Variants in EXOC4 observed in about 807,000 individuals in gnomAD.
EXOC4 encodes the protein exocyst complex component 4.
EXOC4 carries 71 observed loss-of-function variants against 107.2 expected under a neutral mutation model. The ratio of observed to expected loss-of-function variants is 0.66; its 90% CI spans 0.55 to 0.81. The LOEUF is 0.81. Among genes scored for constraint, EXOC4 ranks in the 30% least tolerant of loss-of-function variants. The pLI is 0.00. For missense variants in EXOC4, 1,108 were observed against 1,189.6 expected (o/e 0.93, Z 1.01); for synonymous variants, 456 against 441.2 (o/e 1.03, Z -0.42).
At chr7:133,598,605 A>T in intron 9 of EXOC4, among the ~76,000 whole-genome samples, 1 of 152,226 alleles carries the variant, frequency 6.6e-6, no homozygotes, top group East Asian at 1.9e-4. Context: ...CTACTTTTGC[A>T]ACTGTACATT....
the EXOC4 span, among the ~76,000 whole-genome samples, chr7:134,100,250 C>CAGTGAACCCAGATCACACCACTG: frequency 4.5e-5 from 6 of 134,266 alleles, no homozygotes; most frequent in South Asian, 2.3e-4. Context: ...AGTTCTGCTG[C>CAGTGAACCCAGATCACACCACTG]CACAAGCCTA....
chr7:133,270,199 A>T (rs541156078), intron 1 of EXOC4, among the ~76,000 whole-genome samples: 1 of 152,218 alleles, frequency 6.6e-6, no homozygotes, highest in South Asian at 2.1e-4. Flanking sequence ...TGCCATGATT[A>T]TGAGGCCTCC....
chr7:133,533,260 C>G (rs896340976), intron 9 of EXOC4, among the ~76,000 whole-genome samples: 2 of 152,042 alleles, frequency 1.3e-5, no homozygotes, highest in Non-Finnish European at 2.9e-5. Flanking sequence ...TACTAGGATT[C>G]TGAGACTGTT....
chr7:133,253,304 G>T, intron 1 of EXOC4, 117 bp downstream of exon 1: 5 of 1,437,606 alleles, frequency 3.5e-6, no homozygotes, highest in Non-Finnish European at 4.6e-6. Context: ...CTTGCCTCCC[G>T]CAGCCCCTCC....
chr7:133,287,054 A>G (rs943625087), intron 2 of EXOC4, among the ~76,000 whole-genome samples: 3 of 152,148 alleles, frequency 2.0e-5, no homozygotes, highest in Non-Finnish European at 2.9e-5. Context: ...ATCCTACTCC[A>G]GGCTAAGGTT....
At chr7:134,035,207 G>C (rs921270160) in intron 17 of EXOC4, among the ~76,000 whole-genome samples, 2 of 151,744 alleles carry the variant, frequency 1.3e-5, no homozygotes, top group Non-Finnish European at 2.9e-5. Flanking sequence ...CACCATGCCT[G>C]GCTAATTTTG....
At chr7:133,314,338 A>G (rs553334201) in intron 4 of EXOC4, among the ~76,000 whole-genome samples, 47 of 152,310 alleles carry the variant, frequency 3.1e-4, no homozygotes, top group African/African-American at 7.5e-4. Flanking sequence ...GAGAAAAACT[A>G]AAGTCATTTC....
chr7:133,968,214 C>G (rs1207751222), intron 14 of EXOC4, among the ~76,000 whole-genome samples: 1 of 152,054 alleles, frequency 6.6e-6, no homozygotes, highest in African/African-American at 2.4e-5. Flanking sequence ...CTCCATCCCT[C>G]TATTTTGAGC....
intron 9 of EXOC4, among the ~76,000 whole-genome samples, chr7:133,525,792 G>T (rs1800067630): frequency 6.6e-6 from 1 of 152,136 alleles, no homozygotes; most frequent in Admixed American, 6.6e-5. Context: ...AGAATTGCAG[G>T]TATGTTAATA....
rs144908393 is a variant in EXOC4, at chr7:133,491,816, C to T, written c.1417+11678C>T. 1.3e-3 allele frequency among the ~76,000 whole-genome samples: 192 copies of T among 152,280 alleles called. 1 individual carries two copies. In the Middle Eastern group the frequency reaches 0.014, roughly 11 times the overall value. ...AGGTATTACAAAGGTGGAATTCTTA[C>T]GCCGAACTGGTAAGATGAGTTGACC... On this transcript the variant is annotated intron_variant, in intron 9 of 17. Coordinates refer to ENST00000253861, the MANE Select transcript of EXOC4 (RefSeq NM_021807.4).
intron 17 of EXOC4, among the ~76,000 whole-genome samples, chr7:134,027,431 G>A (rs1041730979): frequency 3.3e-5 from 5 of 152,050 alleles, no homozygotes; most frequent in Admixed American, 2.0e-4. Context: ...AGGCCGAGGC[G>A]GGCAGATCGC....
At chr7:133,457,792 C>G (rs1798497438) in intron 7 of EXOC4, among the ~76,000 whole-genome samples, 1 of 152,032 alleles carries the variant, frequency 6.6e-6, no homozygotes, top group Admixed American at 6.6e-5. Context: ...TATTGTATTA[C>G]TTTTTCACTT....
intron 10 of EXOC4, among the ~76,000 whole-genome samples, chr7:133,693,226 G>C (rs868434407): frequency 6.6e-6 from 1 of 152,206 alleles, no homozygotes; most frequent in Non-Finnish European, 1.5e-5. Context: ...AGGTCCGATA[G>C]CCCCTGGCAA....
chr7:133,383,554 G>T (rs913424294), intron 7 of EXOC4, among the ~76,000 whole-genome samples: 2 of 152,186 alleles, frequency 1.3e-5, no homozygotes, highest in African/African-American at 2.4e-5. Context: ...TGCAGAGAGA[G>T]CTTGAAGTTT....
chr7:133,539,268 T>G (rs766325741), intron 9 of EXOC4, among the ~76,000 whole-genome samples: 11 of 151,260 alleles, frequency 7.3e-5, no homozygotes, highest in Non-Finnish European at 1.6e-4. Flanking sequence ...AATGTGATGC[T>G]TCGATTTGGT....
At chr7:133,833,817 G>A (rs978373313) in intron 11 of EXOC4, among the ~76,000 whole-genome samples, 1 of 152,022 alleles carries the variant, frequency 6.6e-6, no homozygotes, top group Non-Finnish European at 1.5e-5. Context: ...AGCTTGCCTC[G>A]GCCTCCCAAC....
At chr7:134,059,884 A>G (rs4728308) in intron 17 of EXOC4, among the ~76,000 whole-genome samples, 32,988 of 152,098 alleles carry the variant, frequency 0.22, 4,616 homozygotes, top group African/African-American at 0.39. Flanking sequence ...CAATCAGAGG[A>G]AGATAAAATT....
At chr7:133,282,497 A>G (rs1794180336) in intron 2 of EXOC4, among the ~76,000 whole-genome samples, 1 of 152,234 alleles carries the variant, frequency 6.6e-6, no homozygotes, top group Non-Finnish European at 1.5e-5. Context: ...ATAGAATGAA[A>G]TGAAAATACT....
At chr7:133,518,542 C>T (rs1175762472) in intron 9 of EXOC4, among the ~76,000 whole-genome samples, 2 of 151,844 alleles carry the variant, frequency 1.3e-5, no homozygotes, top group African/African-American at 4.8e-5. Context: ...TATTTTATAC[C>T]CATGTTCATA....
Sources: allele counts gnomAD v4.1 joint callset (sites outside exome capture counted in the v4.1 genomes callset), GRCh38; gene constraint gnomAD v4.1.1; transcripts MANE v1.5; gene names NCBI Gene and HGNC (gene_info 2026-07-23, HGNC 2026-07-21).